CHCHD3: variants seen among roughly 807,000 people sequenced by gnomAD.
CHCHD3 encodes the protein MICOS complex subunit MIC19.
A neutral mutation model predicts 38.2 loss-of-function variants in CHCHD3; 20 were observed. That is an observed-to-expected ratio of 0.52 (90% CI 0.37 to 0.76). The LOEUF (loss-of-function observed/expected upper bound fraction) is 0.76, where lower values mean the gene tolerates loss of function less well. Among genes scored for constraint, CHCHD3 ranks in the 30% least tolerant of loss-of-function variants. The pLI, the probability that CHCHD3 is intolerant of heterozygous loss-of-function variation, is 0.00. For synonymous variants in CHCHD3, 82 were observed against 100.0 expected, an observed-to-expected ratio of 0.82 and a Z score of 1.07; for missense variants, 245 against 279.2, an observed-to-expected ratio of 0.88 and a Z score of 0.87.
At chr7:132,822,082 A>G (rs1046491642) in intron 6 of CHCHD3, among the ~76,000 whole-genome samples, 5 of 152,106 alleles carry the variant, frequency 3.3e-5, no homozygotes, top group African/African-American at 1.2e-4. Context: ...TGCATCATCA[A>G]GTTCTGAGGA....
intron 6 of CHCHD3, among the ~76,000 whole-genome samples, chr7:132,804,959 T>C (rs1305809246): frequency 6.6e-6 from 1 of 152,136 alleles, no homozygotes; most frequent in Non-Finnish European, 1.5e-5. Context: ...TATCGGTTAC[T>C]TGAAGAGGAG....
In CHCHD3 at chr7:133,059,940, G is replaced by A. The variant is rs981171246; in HGVS notation, c.169+10202C>T. ...GCTGAGCGTACAGAACATGGGAAGC[G>A]AACATACACTTCTTTCAAAGGCTCA... is the stretch of plus-strand genomic sequence containing the variant. On this transcript the variant is annotated intron_variant, in intron 2 of 7. Transcript: ENST00000262570. Among the ~76,000 whole-genome samples, 18 of 152,264 alleles carry A rather than the reference G, an allele frequency of 1.2e-4. No homozygotes were observed. In the Middle Eastern group the frequency reaches 0.01, roughly 86 times the overall value.
At chr7:132,872,544 C>T (rs1192328741) in intron 5 of CHCHD3, among the ~76,000 whole-genome samples, 1 of 152,228 alleles carries the variant, frequency 6.6e-6, no homozygotes, top group Admixed American at 6.5e-5. Flanking sequence ...AGATCCTTTA[C>T]AATTTCCTTA....
At chr7:132,978,431 G>C (rs190007683) in intron 3 of CHCHD3, among the ~76,000 whole-genome samples, 1 of 152,084 alleles carries the variant, frequency 6.6e-6, no homozygotes, top group Non-Finnish European at 1.5e-5. Flanking sequence ...TAAGGACAAC[G>C]ATTTGCCCTA....
intron 5 of CHCHD3, among the ~76,000 whole-genome samples, chr7:132,868,253 C>T (rs1045745808): frequency 6.6e-6 from 1 of 151,966 alleles, no homozygotes; most frequent in African/African-American, 2.4e-5. Context: ...GTGGGAGGAA[C>T]ATAAAAATAA....
At chr7:132,998,724 T>C (rs1381562864) in intron 3 of CHCHD3, among the ~76,000 whole-genome samples, 1 of 152,138 alleles carries the variant, frequency 6.6e-6, no homozygotes, top group Non-Finnish European at 1.5e-5. Context: ...AAGTAGCAAG[T>C]TCAGATCAAA....
At chr7:132,881,541 A>G (rs1243187022) in intron 5 of CHCHD3, among the ~76,000 whole-genome samples, 1 of 152,150 alleles carries the variant, frequency 6.6e-6, no homozygotes, top group Non-Finnish European at 1.5e-5. Context: ...TGATTCTGTA[A>G]AAGACTCGTT....
intron 6 of CHCHD3, among the ~76,000 whole-genome samples, chr7:132,800,743 G>T (rs1806769124): frequency 6.6e-6 from 1 of 152,112 alleles, no homozygotes; most frequent in African/African-American, 2.4e-5. Flanking sequence ...TATGCTGAGA[G>T]AGTTCTACAG....
chr7:132,984,836 G>C (rs192999920), intron 3 of CHCHD3, among the ~76,000 whole-genome samples: 62,714 of 97,892 alleles, frequency 0.64, 21,792 homozygotes, highest in African/African-American at 0.69. Flanking sequence ...GCAGCCACCC[G>C]GTCTGGGAGG....
chr7:132,785,665 A>C lies in CHCHD3; in HGVS notation c.661-5T>G, dbSNP rs1473400506. 1 of 1,613,996 alleles carries C rather than the reference A, an allele frequency of 6.2e-7. No homozygotes were observed. The highest frequency in any genetic ancestry group is 8.5e-7 in the Non-Finnish European group (1 of 1,179,978). On this transcript the variant is annotated splice_region_variant and splice_polypyrimidine_tract_variant and intron_variant, in intron 7 of 7. Transcript: ENST00000262570. ...TCCTCCCTTCTCAAGCATGCTCTGC[A>C]AGAAAAACAGAAAGAGTAAGTTTTA...
At chr7:132,910,206 T>C (rs576181778) in intron 4 of CHCHD3, among the ~76,000 whole-genome samples, 83 of 152,304 alleles carry the variant, frequency 5.4e-4, no homozygotes, top group African/African-American at 1.9e-3. Context: ...TGTGTATACC[T>C]AGGGACAACT....
chr7:132,901,271 A>C (rs956365049), intron 4 of CHCHD3, among the ~76,000 whole-genome samples: 4 of 152,216 alleles, frequency 2.6e-5, no homozygotes, highest in African/African-American at 9.6e-5. Flanking sequence ...CTGAGGCCTA[A>C]ACATGGTAAA....
chr7:133,013,786 A>G (rs1413473243), intron 3 of CHCHD3, among the ~76,000 whole-genome samples: 7 of 152,210 alleles, frequency 4.6e-5, no homozygotes, highest in African/African-American at 1.7e-4. Context: ...GTAGGGAGTA[A>G]GAATAAGGGA....
intron 4 of CHCHD3, chr7:132,973,036 A>AT (rs1230745504): frequency 3.0e-6 from 3 of 985,264 alleles, no homozygotes; most frequent in Non-Finnish European, 3.6e-6. Flanking sequence ...ATACTTTCAC[A>AT]TTTTTTTGTG....
rs138374942 is a variant in CHCHD3, at chr7:132,895,651, T to C, written c.370-9906A>G. Among the ~76,000 whole-genome samples, 601 of 152,324 alleles carry C rather than the reference T, an allele frequency of 3.9e-3. 8 individuals are homozygous for C. The highest frequency in any genetic ancestry group is 0.01 in the African/African-American group (434 of 41,576). On this transcript the variant is annotated intron_variant, in intron 4 of 7. Transcript: ENST00000262570. ...ATGACAGTGAATAAGTCTCATGAGA[T>C]ATGATTGTTTTATAAAGGGGAATTC...
chr7:133,066,742 G>T (rs181857769), intron 2 of CHCHD3, among the ~76,000 whole-genome samples: 1 of 152,146 alleles, frequency 6.6e-6, no homozygotes, highest in East Asian at 1.9e-4. Context: ...AAAACCTCCC[G>T]ACCCATCCCC....
chr7:132,940,190 C>G (rs1304825649), intron 4 of CHCHD3, among the ~76,000 whole-genome samples: 2 of 152,176 alleles, frequency 1.3e-5, no homozygotes, highest in Non-Finnish European at 2.9e-5. Context: ...TGAAATACTA[C>G]ATGAGGCAAT....
At position 132,803,239 on chromosome 7, in the gene CHCHD3, TA is replaced by T. The variant is rs1319608159; in HGVS notation, c.525-6663del. 4.6e-5 allele frequency among the ~76,000 whole-genome samples: 7 copies of T among 152,300 alleles called. No individual in the cohort carries two copies. The South Asian group carries it at 1.5e-3, about 32-fold the overall frequency. On this transcript the variant is annotated intron_variant, in intron 6 of 7. Transcript: ENST00000262570. ...TCCACAGGTATTGGAATGAAACTGT[TA>T]AATCCGAATCTCCAAAGGATATATC... is the stretch of plus-strand genomic sequence containing the variant.
At chr7:133,005,261 G>A (rs1812670144) in intron 3 of CHCHD3, among the ~76,000 whole-genome samples, 1 of 152,054 alleles carries the variant, frequency 6.6e-6, no homozygotes. Flanking sequence ...AACCACTTAG[G>A]TGTATTCATT....
Sources: allele counts gnomAD v4.1 joint callset (sites outside exome capture counted in the v4.1 genomes callset), GRCh38; gene constraint gnomAD v4.1.1; transcripts MANE v1.5; gene names NCBI Gene and HGNC (gene_info 2026-07-23, HGNC 2026-07-21).